The following EFCAB6 variants were observed in gnomAD, a reference collection of about 807,000 sequenced individuals.
EFCAB6 encodes EF-hand calcium-binding domain-containing protein 6.
EFCAB6 carries 156 observed loss-of-function variants against 169.8 expected under a neutral mutation model. That is an observed-to-expected ratio of 0.92 (90% confidence interval 0.81 to 1.05). The LOEUF (loss-of-function observed/expected upper bound fraction) is 1.05, where lower values mean the gene tolerates loss of function less well. Among genes scored for constraint, EFCAB6 ranks in the 50% least tolerant of loss-of-function variants. The pLI, the probability that EFCAB6 is intolerant of heterozygous loss-of-function variation, is 0.00. For missense variants in EFCAB6, 1,800 were observed against 1,829.1 expected (o/e 0.98, Z 0.29); for synonymous variants, 698 against 676.4 (o/e 1.03, Z -0.50).
rs377417724 is a variant in EFCAB6, at chr22:43,795,490, TC to T, written c.-7-13166del. ...ATCTCCCCTCTCACGGCCCCATGGG[TC>T]CCTCGGCCCTGCTCCACCCCAGCCG... On this transcript the variant is annotated intron_variant, in intron 2 of 31. Transcript: ENST00000262726. The surrounding 1 kb of genome is among the most constrained non-coding windows in gnomAD (Gnocchi z 4.2). Among the ~76,000 whole-genome samples the T allele has an allele frequency of 3.3e-3, 500 of 152,028 alleles. 2 individuals carry two copies. Among genetic ancestry groups the T allele is most frequent in the Middle Eastern group, 0.024 (7 of 294 alleles).
At chr22:43,611,468 T>C (rs745612599) in intron 21 of EFCAB6, among the ~76,000 whole-genome samples, 1 of 152,206 alleles carries the variant, frequency 6.6e-6, no homozygotes, top group African/African-American at 2.4e-5. Context: ...GAACTACCAA[T>C]GGCATTCTTC....
intron 6 of EFCAB6, among the ~76,000 whole-genome samples, chr22:43,749,037 A>G (rs2060663210): frequency 6.6e-6 from 1 of 152,208 alleles, no homozygotes; most frequent in African/African-American, 2.4e-5. Context: ...GCCAGCAACA[A>G]TGGTGGCTTA....
chr22:43,780,920 G>A (rs1191255931), intron 3 of EFCAB6, among the ~76,000 whole-genome samples: 1 of 152,126 alleles, frequency 6.6e-6, no homozygotes, highest in Non-Finnish European at 1.5e-5. Flanking sequence ...TTTCACAGTG[G>A]CCCGCTGATT....
intron 17 of EFCAB6, among the ~76,000 whole-genome samples, chr22:43,641,597 C>T (rs892454902): frequency 3.0e-5 from 3 of 101,568 alleles, no homozygotes; most frequent in Admixed American, 1.2e-4. Context: ...GCCTGGGAGA[C>T]AAAAGCAAAA....
chr22:43,580,684 CAT>C, intron 24 of EFCAB6, 25 bp from the exon 25 acceptor site: 1 of 1,609,084 alleles, frequency 6.2e-7, no homozygotes, highest in South Asian at 1.1e-5. Flanking sequence ...AAGAAAAGAA[CAT>C]ATTCATTTTA....
chr22:43,678,225 T>A, intron 12 of EFCAB6, 62 bp from the exon 13 acceptor site: 1 of 1,496,802 alleles, frequency 6.7e-7, no homozygotes, highest in Non-Finnish European at 9.0e-7. Flanking sequence ...AGAAAAAGTG[T>A]TATGTATGTT....
intron 6 of EFCAB6, among the ~76,000 whole-genome samples, chr22:43,746,968 A>G (rs1250528545): frequency 1.3e-5 from 2 of 152,202 alleles, no homozygotes; most frequent in African/African-American, 4.8e-5. Context: ...AGAAGCCACT[A>G]TGCTGACCCA....
intron 10 of EFCAB6, among the ~76,000 whole-genome samples, chr22:43,706,609 G>A (rs1603254962): frequency 6.6e-6 from 1 of 152,114 alleles, no homozygotes. Context: ...AAATTATAAA[G>A]AACCTAAAGG....
chr22:43,639,834 CTT>C (rs979909920), intron 17 of EFCAB6, among the ~76,000 whole-genome samples: 1 of 152,098 alleles, frequency 6.6e-6, no homozygotes, highest in Non-Finnish European at 1.5e-5. Context: ...CTTTCTCTCT[CTT>C]TTAAAAAATT....
In EFCAB6 at chr22:43,776,123, C is replaced by T. The variant is rs534428516; in HGVS notation, c.140-3020G>A. 7.9e-5 allele frequency among the ~76,000 whole-genome samples: 12 copies of T among 152,324 alleles called. 1 individual carries two copies. Among genetic ancestry groups the T allele is most frequent in the Admixed American group, 6.5e-4 (10 of 15,302 alleles). On this transcript the variant is annotated intron_variant, in intron 3 of 31. Transcript: ENST00000262726. ...ATGAGTTCAGCCTGGGATATCTAAGCGGGATGTCCATCTGAAAGTTGAATA... is the reference window on the plus strand; with the variant it reads ...ATGAGTTCAGCCTGGGATATCTAAGTGGGATGTCCATCTGAAAGTTGAATA...
chr22:43,565,368 T>C (rs1389610405), intron 26 of EFCAB6, among the ~76,000 whole-genome samples: 1 of 152,228 alleles, frequency 6.6e-6, no homozygotes, highest in African/African-American at 2.4e-5. Flanking sequence ...TATGGTTGCT[T>C]GTTACATAGT....
rs576565725 is a variant in EFCAB6 at position 43,674,617 on chromosome 22, T to C, written c.1420-2312A>G. On this transcript the variant is annotated intron_variant, in intron 13 of 31. Coordinates refer to ENST00000262726, the MANE Select transcript of EFCAB6 (RefSeq NM_022785.4). ...AAGGCATGAAGACAGGCATGATCTGTTTTATACTAGACAAAGATCACACCA... is the reference window on the plus strand; with the variant it reads ...AAGGCATGAAGACAGGCATGATCTGCTTTATACTAGACAAAGATCACACCA... Among the ~76,000 whole-genome samples the C allele has an allele frequency of 7.9e-5, 12 of 152,308 alleles. No individual in the cohort carries two copies. In the East Asian group the frequency reaches 2.3e-3, roughly 29 times the overall value.
intron 3 of EFCAB6, 64 bp from the exon 4 acceptor site, chr22:43,773,167 T>C (rs901045095): frequency 6.5e-7 from 1 of 1,534,718 alleles, no homozygotes; most frequent in Non-Finnish European, 8.9e-7. Flanking sequence ...CAGAAACTCT[T>C]GCACTGTTGA....
chr22:43,774,511 C>T (rs1039227723), intron 3 of EFCAB6, among the ~76,000 whole-genome samples: 11 of 151,782 alleles, frequency 7.2e-5, no homozygotes, highest in Admixed American at 2.6e-4. Context: ...GCCCAGCGCA[C>T]GCAGGGCCTG....
At chr22:43,657,092 C>T (rs1017232574) in intron 17 of EFCAB6, among the ~76,000 whole-genome samples, 1 of 151,842 alleles carries the variant, frequency 6.6e-6, no homozygotes, top group African/African-American at 2.4e-5. Context: ...GAGTTCAAGA[C>T]CAGCCTGTGC....
chr22:43,746,771 A>T (rs2060579482), intron 6 of EFCAB6, among the ~76,000 whole-genome samples: 2 of 152,222 alleles, frequency 1.3e-5, no homozygotes, highest in Admixed American at 1.3e-4. Context: ...TTAAAATTTT[A>T]AAAAGGGCTG....
chr22:43,578,665 C>T lies in EFCAB6; in HGVS notation c.3228+1799G>A, dbSNP rs867386715. ...ATACATGTAGGCATCATACCCTACA[C>T]GCGGTCATCATTCCCTACGTGCAGG... On this transcript the variant is annotated intron_variant, in intron 25 of 31. Transcript: ENST00000262726. 4.6e-5 allele frequency among the ~76,000 whole-genome samples: 7 copies of T among 151,952 alleles called. 1 individual carries two copies. In the East Asian group the frequency reaches 5.8e-4, roughly 13 times the overall value.
intron 2 of EFCAB6, among the ~76,000 whole-genome samples, chr22:43,789,177 T>C (rs1427520872): frequency 6.6e-6 from 1 of 152,192 alleles, no homozygotes; most frequent in East Asian, 1.9e-4. Flanking sequence ...GACAAAAATG[T>C]TCTGGGATTA....
At chr22:43,589,280 CAAAAAAA>C (rs1163346832) in intron 24 of EFCAB6, among the ~76,000 whole-genome samples, 5 of 80,952 alleles carry the variant, frequency 6.2e-5, no homozygotes, top group African/African-American at 2.2e-4. Flanking sequence ...GACTTCATGT[CAAAAAAA>C]AAAAAAAAAA....
Sources: gnomAD v4.1 joint callset for allele counts (sites outside exome capture counted in the v4.1 genomes callset) on GRCh38, gnomAD v4.1.1 for gene constraint, Gnocchi (gnomAD v3.1) non-coding constraint, MANE v1.5 for transcripts, NCBI Gene and HGNC (gene_info 2026-07-23, HGNC 2026-07-21) for gene names.